Variants in CHST8 observed in about 807,000 individuals in gnomAD.
The protein encoded by CHST8 is GALNAC-4-ST1.
A neutral mutation model predicts 15.0 loss-of-function variants in CHST8; 10 were observed. The observed-to-expected ratio is 0.67, with a 90% confidence interval of 0.41 to 1.13. The LOEUF is 1.13. Among genes scored for constraint, CHST8 ranks in the 50% most tolerant of loss-of-function variants. CHST8 has a pLI of 0.00. For synonymous variants in CHST8, 259 were observed against 256.6 expected, an observed-to-expected ratio of 1.01 and a Z score of -0.09; for missense variants, 634 against 608.2, an observed-to-expected ratio of 1.04 and a Z score of -0.45.
At chr19:33,665,483 G>A (rs1020310875) in intron 1 of CHST8, among the ~76,000 whole-genome samples, 1 of 152,138 alleles carries the variant, frequency 6.6e-6, no homozygotes, top group Admixed American at 6.5e-5. Context: ...TGGCTGGAGG[G>A]TGTGGTCCAT....
At chr19:33,770,371 CAT>C (rs1439028631) in intron 3 of CHST8, among the ~76,000 whole-genome samples, 2 of 152,200 alleles carry the variant, frequency 1.3e-5, no homozygotes, top group Non-Finnish European at 2.9e-5. Flanking sequence ...TGATGGTGAC[CAT>C]GGCTTTTGGC....
chr19:33,745,317 A>G (rs2145347380), intron 3 of CHST8, among the ~76,000 whole-genome samples: 1 of 152,298 alleles, frequency 6.6e-6, no homozygotes, highest in Non-Finnish European at 1.5e-5. Flanking sequence ...TAGCCTCCAG[A>G]TACATTTTTT....
At chr19:33,715,013 C>T (rs1297390324) in intron 3 of CHST8, among the ~76,000 whole-genome samples, 1 of 152,216 alleles carries the variant, frequency 6.6e-6, no homozygotes, top group Non-Finnish European at 1.5e-5. Context: ...GTCCCAGCAC[C>T]ATGGTGACTT....
chr19:33,711,853 G>A (rs770972046), intron 3 of CHST8, among the ~76,000 whole-genome samples: 2 of 151,810 alleles, frequency 1.3e-5, no homozygotes, highest in African/African-American at 4.8e-5. Context: ...GGCTGGTCTC[G>A]AACTCCTGAC....
intron 3 of CHST8, among the ~76,000 whole-genome samples, chr19:33,715,815 G>T (rs149715238): frequency 1.9e-3 from 287 of 152,308 alleles, no homozygotes; most frequent in African/African-American, 6.7e-3. Context: ...TTGAGCACCT[G>T]CTGTGTGCCT....
chr19:33,746,209 C>A (rs1399963643), intron 3 of CHST8, among the ~76,000 whole-genome samples: 1 of 152,134 alleles, frequency 6.6e-6, no homozygotes. Context: ...ATGTTCACAT[C>A]GTTTTTTATC....
intron 3 of CHST8, among the ~76,000 whole-genome samples, chr19:33,708,640 GT>G (rs773168165): frequency 6.6e-6 from 1 of 152,170 alleles, no homozygotes. Context: ...TTTATAAAAA[GT>G]TGTGAAATCA....
At chr19:33,651,702 AAAC>A (rs1159121582) in intron 1 of CHST8, among the ~76,000 whole-genome samples, 1 of 152,166 alleles carries the variant, frequency 6.6e-6, no homozygotes, top group Non-Finnish European at 1.5e-5. Context: ...GTTTTTGAAA[AAAC>A]AAGTTTCTAA....
intron 3 of CHST8, among the ~76,000 whole-genome samples, chr19:33,721,744 G>A (rs1973795327): frequency 6.6e-6 from 1 of 151,938 alleles, no homozygotes; most frequent in Admixed American, 6.6e-5. Flanking sequence ...ATGGAAGGAC[G>A]GATAGATGGA....
intron 3 of CHST8, among the ~76,000 whole-genome samples, chr19:33,749,076 G>T (rs893487090): frequency 6.6e-6 from 1 of 152,156 alleles, no homozygotes; most frequent in African/African-American, 2.4e-5. Flanking sequence ...AGCAGGAGAG[G>T]CCCTGGTGGG....
At chr19:33,724,714 C>T (rs1468872108) in intron 3 of CHST8, among the ~76,000 whole-genome samples, 1 of 152,204 alleles carries the variant, frequency 6.6e-6, no homozygotes, top group Non-Finnish European at 1.5e-5. Context: ...CCCTTTTCTC[C>T]CCATCCTAGC....
At chr19:33,716,689 G>T (rs947669450) in intron 3 of CHST8, among the ~76,000 whole-genome samples, 7 of 152,184 alleles carry the variant, frequency 4.6e-5, no homozygotes, top group African/African-American at 1.7e-4. Context: ...TAATCGGAAG[G>T]AGGGGGAAGA....
chr19:33,627,012 A>C (rs1472407704), intron 1 of CHST8, among the ~76,000 whole-genome samples: 2 of 145,496 alleles, frequency 1.4e-5, no homozygotes, highest in Non-Finnish European at 3.0e-5. Flanking sequence ...CTCATCTTGA[A>C]CTTCTTGCCT....
chr19:33,715,035 C>T (rs1353319918), intron 3 of CHST8, among the ~76,000 whole-genome samples: 1 of 152,226 alleles, frequency 6.6e-6, no homozygotes, highest in Non-Finnish European at 1.5e-5. Flanking sequence ...TCACTTCTCC[C>T]TCCATTCCTG....
At position 33,738,678 on chromosome 19, in the gene CHST8, CT is replaced by C. The variant is rs551457870; in HGVS notation, c.131-32734del. Among the ~76,000 whole-genome samples, 358 of 152,296 alleles carry C rather than the reference CT, an allele frequency of 2.4e-3. 1 individual carries two copies. Among genetic ancestry groups the C allele is most frequent in the African/African-American group, 7.4e-3 (306 of 41,564 alleles). ...GACCTCGGCTCACTGCAACCTCCGCCTCCAGGGTTCAAGCAATTCTCCTGCC... is the reference window on the plus strand; with the variant it reads ...GACCTCGGCTCACTGCAACCTCCGCCCCAGGGTTCAAGCAATTCTCCTGCC... On this transcript the variant is annotated intron_variant, in intron 3 of 4. Transcript: ENST00000650847.
Position 33,772,061 on chromosome 19 carries a change from G to A in CHST8, c.273G>A (p.Ala91=), listed in dbSNP as rs765158776. 4 of 1,612,244 alleles carry A rather than the reference G, an allele frequency of 2.5e-6. No homozygotes were observed. Among genetic ancestry groups the A allele is most frequent in the East Asian group, 2.2e-5 (1 of 44,876 alleles). ...SGAPRGRNLP[A]PDQPQPPLQR... ...CCCCGAGGGGCCGCAACCTGCCAGC[G>A]CCTGACCAGCCTCAACCCCCGCTGC... The change falls in exon 5 of 5, where the codon GCG becomes GCA. Residue 91 remains alanine (A), a synonymous_variant. Transcript: ENST00000650847.
chr19:33,641,956 T>C (rs1245200578), intron 1 of CHST8, among the ~76,000 whole-genome samples: 3 of 152,226 alleles, frequency 2.0e-5, no homozygotes, highest in African/African-American at 7.2e-5. Context: ...CATATGTCTG[T>C]ATATTACTTT....
intron 1 of CHST8, among the ~76,000 whole-genome samples, chr19:33,649,850 T>G (rs1446713325): frequency 6.6e-6 from 1 of 152,190 alleles, no homozygotes; most frequent in Admixed American, 6.5e-5. Context: ...GGGGGTCAGT[T>G]AGTGCCTGGC....
intron 3 of CHST8, among the ~76,000 whole-genome samples, chr19:33,749,443 A>G (rs1183814699): frequency 2.9e-5 from 1 of 34,056 alleles, no homozygotes; most frequent in African/African-American, 1.3e-4. Flanking sequence ...TCATCCCCCC[A>G]TCTCCCCACC....
Sources: gnomAD v4.1 joint callset for allele counts (sites outside exome capture counted in the v4.1 genomes callset) on GRCh38, gnomAD v4.1.1 for gene constraint, MANE v1.5 for transcripts, NCBI Gene and HGNC (gene_info 2026-07-23, HGNC 2026-07-21) for gene names.